Variants in PPP6R3 observed in about 807,000 individuals in gnomAD.
PPP6R3 encodes the protein serine/threonine-protein phosphatase 6 regulatory subunit 3.
A neutral mutation model predicts 110.7 loss-of-function variants in PPP6R3; 38 were observed. That is an observed-to-expected ratio of 0.34 (90% CI 0.26 to 0.45). PPP6R3 has a LOEUF of 0.45. Ranked by LOEUF, PPP6R3 falls within the 20% of genes least tolerant of loss-of-function variation. The pLI, the probability that PPP6R3 is intolerant of heterozygous loss-of-function variation, is 1.00. For synonymous variants in PPP6R3, 369 were observed against 373.5 expected, an observed-to-expected ratio of 0.99 and a Z score of 0.14; for missense variants, 870 against 1,062.4, an observed-to-expected ratio of 0.82 and a Z score of 2.52.
intron 16 of PPP6R3, among the ~76,000 whole-genome samples, chr11:68,589,593 T>A (rs1443167358): frequency 1.3e-5 from 2 of 152,232 alleles, no homozygotes; most frequent in Non-Finnish European, 2.9e-5. Flanking sequence ...AGAAAAAAAA[T>A]GAAGGCAGCT....
intron 1 of PPP6R3, among the ~76,000 whole-genome samples, chr11:68,492,671 A>G (rs1374404292): frequency 6.6e-6 from 1 of 152,126 alleles, no homozygotes; most frequent in East Asian, 1.9e-4. Context: ...TTCTCATTCT[A>G]CTTTTTTGAG....
intron 15 of PPP6R3, among the ~76,000 whole-genome samples, chr11:68,584,215 C>T (rs972853694): frequency 1.3e-5 from 2 of 152,224 alleles, no homozygotes; most frequent in African/African-American, 4.8e-5. Context: ...TGTTGAGCAG[C>T]TCTCACAGCT....
chr11:68,601,113 C>T (rs2099630472), intron 20 of PPP6R3, among the ~76,000 whole-genome samples: 1 of 152,216 alleles, frequency 6.6e-6, no homozygotes. Context: ...TAAGTTACTA[C>T]TCAGAGGTAC....
chr11:68,595,839 C>T (rs2099612345), intron 18 of PPP6R3, among the ~76,000 whole-genome samples: 1 of 152,168 alleles, frequency 6.6e-6, no homozygotes, highest in African/African-American at 2.4e-5. Flanking sequence ...TCCACCCCTT[C>T]GAGAAGGTGG....
chr11:68,504,574 G>C (rs1285560179), intron 1 of PPP6R3, among the ~76,000 whole-genome samples: 1 of 152,178 alleles, frequency 6.6e-6, no homozygotes, highest in East Asian at 1.9e-4. Context: ...GCAGCTAAAA[G>C]TAAGTGTACC....
intron 11 of PPP6R3, among the ~76,000 whole-genome samples, chr11:68,570,129 T>G (rs2099497363): frequency 6.6e-6 from 1 of 152,262 alleles, no homozygotes; most frequent in Non-Finnish European, 1.5e-5. Context: ...AGTGGCCTCC[T>G]TATTTGGTAA....
In PPP6R3 at chr11:68,588,094, C is replaced by T; in HGVS notation, c.1730+70C>T. On this transcript the variant is annotated intron_variant, in intron 16 of 23. Transcript: ENST00000393800. ...GCTCTTGGTAGATGTATGTGTGATTCTGCGGGATTCTTAGTCTTGAGCATT... is the reference window on the plus strand; with the variant it reads ...GCTCTTGGTAGATGTATGTGTGATTTTGCGGGATTCTTAGTCTTGAGCATT... The T allele has an allele frequency of 3.0e-6, 4 of 1,329,948 alleles. No individual in the cohort carries two copies. The South Asian group carries it at 3.5e-5, about 12-fold the overall frequency. 82.4% of individuals were successfully genotyped at this position (1,329,948 alleles called of 1,614,324 possible).
chr11:68,567,297 T>C, intron 10 of PPP6R3, 131 bp downstream of exon 10: 3 of 1,025,280 alleles, frequency 2.9e-6, no homozygotes, highest in Non-Finnish European at 4.0e-6. Context: ...TGGTGTTTTA[T>C]GTAGTTTTTG....
chr11:68,585,641 A>C (rs17149182), intron 15 of PPP6R3, among the ~76,000 whole-genome samples: 2,072 of 152,338 alleles, frequency 0.014, 57 homozygotes, highest in African/African-American at 0.047. Context: ...CTTTATTAGT[A>C]AAAATGAGAT....
At chr11:68,544,760 A>T in intron 3 of PPP6R3, 78 bp from the exon 4 acceptor site, 1 of 985,064 alleles carries the variant, frequency 1.0e-6, no homozygotes, top group Non-Finnish European at 1.4e-6. Flanking sequence ...AATCTTGGGA[A>T]GCCTTTCTGA....
intron 7 of PPP6R3, among the ~76,000 whole-genome samples, chr11:68,556,535 T>TAAA (rs11375771): frequency 0.02 from 2,183 of 107,740 alleles, 33 homozygotes; most frequent in Middle Eastern, 0.079. Context: ...AATTTCTCAT[T>TAAA]AAAAAAAAAA....
At chr11:68,559,778 GGGTACAGTACCCTCTTCCCACCCCAGC>G (rs879455434) in intron 8 of PPP6R3, among the ~76,000 whole-genome samples, 13,708 of 134,490 alleles carry the variant, frequency 0.1, 1,350 homozygotes, top group Middle Eastern at 0.18. Context: ...CCCACCCCAG[GGGTACAGTACCCTCTTCCCACCCCAGC>G]GGTACAGTAC....
At chr11:68,484,250 T>G (rs888224711) in intron 1 of PPP6R3, among the ~76,000 whole-genome samples, 4 of 152,202 alleles carry the variant, frequency 2.6e-5, no homozygotes, top group African/African-American at 9.7e-5. Flanking sequence ...GTATGATTAC[T>G]GTATTGTACA....
At chr11:68,503,527 A>G (rs1438376819) in intron 1 of PPP6R3, among the ~76,000 whole-genome samples, 1 of 152,182 alleles carries the variant, frequency 6.6e-6, no homozygotes, top group East Asian at 1.9e-4. Flanking sequence ...GAAAACAACG[A>G]GTGTGTGACA....
chr11:68,605,398 CATGAACTTGTTACATGTTA>C (rs1939038848), intron 22 of PPP6R3, among the ~76,000 whole-genome samples: 2 of 152,174 alleles, frequency 1.3e-5, no homozygotes, highest in African/African-American at 4.8e-5. Flanking sequence ...CCCTCCACTA[CATGAACTTGTTACATGTTA>C]GAATGCCATT....
rs373721904 is a variant in PPP6R3 at position 68,569,913 on chromosome 11, C to T, written c.1278+16C>T. On this transcript the variant is annotated intron_variant, in intron 11 of 23. Transcript: ENST00000393800. ...ATTAAAACATGTAAGCTTATTTGGTCTCGTTTTTCTCCCACTCTCTCCTGG... is the reference window on the plus strand; with the variant it reads ...ATTAAAACATGTAAGCTTATTTGGTTTCGTTTTTCTCCCACTCTCTCCTGG... 3 of 1,592,774 alleles carry T rather than the reference C, an allele frequency of 1.9e-6. No homozygotes were observed. The highest frequency in any genetic ancestry group is 2.7e-5 in the African/African-American group (2 of 74,536).
chr11:68,591,530 G>T, intron 17 of PPP6R3, 46 bp from the exon 18 acceptor site: 1 of 1,515,058 alleles, frequency 6.6e-7, no homozygotes, highest in South Asian at 1.3e-5. Context: ...AAGATAACTT[G>T]ACTTTAAATT....
intron 1 of PPP6R3, among the ~76,000 whole-genome samples, chr11:68,497,488 G>T (rs2099024624): frequency 1.3e-5 from 2 of 152,220 alleles, no homozygotes; most frequent in South Asian, 4.1e-4. Flanking sequence ...GAGTAGCTGG[G>T]ACTACAGACG....
At chr11:68,574,298 A>G (rs1372718867) in intron 13 of PPP6R3, 74 bp downstream of exon 13, 7 of 1,162,008 alleles carry the variant, frequency 6.0e-6, no homozygotes, top group Non-Finnish European at 8.9e-6. Context: ...GTAGAAATGC[A>G]TGTAGCATTT....
Sources: allele counts gnomAD v4.1 joint callset (sites outside exome capture counted in the v4.1 genomes callset), GRCh38; gene constraint gnomAD v4.1.1; transcripts MANE v1.5; gene names NCBI Gene and HGNC (gene_info 2026-07-23, HGNC 2026-07-21).